Variants in ENTREP2 observed in about 807,000 individuals in gnomAD.
ENTREP2 encodes the protein protein ENTREP2.
the ENTREP2 span, among the ~76,000 whole-genome samples, chr15:29,336,015 G>A: frequency 0.019 from 2,916 of 151,740 alleles, 107 homozygotes; most frequent in African/African-American, 0.068. Context: ...GGTGTCGGGC[G>A]CCTGTAGTCC....
the ENTREP2 span, among the ~76,000 whole-genome samples, chr15:29,628,949 C>T: frequency 5.3e-5 from 8 of 152,196 alleles, no homozygotes; most frequent in East Asian, 7.8e-4. Flanking sequence ...AGCATTTCAC[C>T]GTGTTGGCCA....
chr15:29,348,481 AGAG>A, the ENTREP2 span, among the ~76,000 whole-genome samples: 1 of 152,160 alleles, frequency 6.6e-6, no homozygotes, highest in African/African-American at 2.4e-5. Context: ...GCTGAGCTGG[AGAG>A]GAGAATCCAG....
At chr15:29,490,286 G>C in the ENTREP2 span, among the ~76,000 whole-genome samples, 70 of 152,230 alleles carry the variant, frequency 4.6e-4, 1 homozygote, top group Non-Finnish European at 8.8e-5. Flanking sequence ...CAAAGCTGCA[G>C]AACTTCGCTG....
chr15:29,474,361 A>G, the ENTREP2 span, among the ~76,000 whole-genome samples: 1 of 152,128 alleles, frequency 6.6e-6, no homozygotes, highest in Non-Finnish European at 1.5e-5. Context: ...GGGCCCTGAG[A>G]TGACAGTTCA....
the ENTREP2 span, among the ~76,000 whole-genome samples, chr15:29,593,524 G>C: frequency 6.6e-6 from 1 of 152,162 alleles, no homozygotes; most frequent in Non-Finnish European, 1.5e-5. Context: ...TTCACCAGAA[G>C]CTGTTCTCCT....
At chr15:29,519,487 G>C in the ENTREP2 span, among the ~76,000 whole-genome samples, 1 of 151,572 alleles carries the variant, frequency 6.6e-6, no homozygotes, top group African/African-American at 2.4e-5. Context: ...CCTTTATGAT[G>C]ACCCACCTCC....
chr15:29,275,344 T>C, the ENTREP2 span, among the ~76,000 whole-genome samples: 2 of 152,204 alleles, frequency 1.3e-5, no homozygotes. Flanking sequence ...GAATAAAAAA[T>C]ATATTTTCAA....
At chr15:29,321,842 G>C in the ENTREP2 span, among the ~76,000 whole-genome samples, 22 of 152,064 alleles carry the variant, frequency 1.4e-4, no homozygotes, top group African/African-American at 5.3e-4. Context: ...GGCGGGGAGG[G>C]AGAGCATTAG....
chr15:29,413,280 T>G, the ENTREP2 span, among the ~76,000 whole-genome samples: 1 of 152,134 alleles, frequency 6.6e-6, no homozygotes. Context: ...CCTGGTTGTG[T>G]TCTTTAAGTT....
chr15:29,480,357 A>C, the ENTREP2 span, among the ~76,000 whole-genome samples: 8 of 149,048 alleles, frequency 5.4e-5, no homozygotes, highest in South Asian at 8.5e-4. Flanking sequence ...AAAAAAAAAA[A>C]AAAAAAAAAC....
chr15:29,183,988 C>A, the ENTREP2 span, among the ~76,000 whole-genome samples: 1 of 149,868 alleles, frequency 6.7e-6, no homozygotes, highest in African/African-American at 2.4e-5. Flanking sequence ...TAGCTAGTAA[C>A]TTTTTTTTTT....
the ENTREP2 span, among the ~76,000 whole-genome samples, chr15:29,635,332 C>T: frequency 5.3e-5 from 8 of 152,274 alleles, no homozygotes; most frequent in Admixed American, 1.3e-4. Flanking sequence ...TGCAAAAAGA[C>T]ATCACTGTGT....
chr15:29,345,813 A>G, the ENTREP2 span, among the ~76,000 whole-genome samples: 1 of 152,042 alleles, frequency 6.6e-6, no homozygotes, highest in East Asian at 1.9e-4. Context: ...GGCCCCTCCT[A>G]TCACCTCATT....
the ENTREP2 span, among the ~76,000 whole-genome samples, chr15:29,301,873 T>C: frequency 3.3e-5 from 5 of 152,192 alleles, no homozygotes; most frequent in Admixed American, 6.5e-5. Flanking sequence ...GTACCATCTA[T>C]GAAGCAGAAG....
At chr15:29,492,943 G>T in the ENTREP2 span, among the ~76,000 whole-genome samples, 3 of 151,334 alleles carry the variant, frequency 2.0e-5, no homozygotes, top group Admixed American at 2.0e-4. Flanking sequence ...AGCGGAGGTT[G>T]CAGTGAGCTG....
chr15:29,300,510 T>C, the ENTREP2 span, among the ~76,000 whole-genome samples: 1 of 152,308 alleles, frequency 6.6e-6, no homozygotes, highest in Non-Finnish European at 1.5e-5. Context: ...GGAATATATG[T>C]TGCTATTAGG....
chr15:29,472,760 C>T, the ENTREP2 span, among the ~76,000 whole-genome samples: 3 of 152,056 alleles, frequency 2.0e-5, no homozygotes, highest in Non-Finnish European at 4.4e-5. Context: ...CCACTGCACC[C>T]GGCCTATAAT....
At chr15:29,588,991 G>GA in the ENTREP2 span, among the ~76,000 whole-genome samples, 3,258 of 107,472 alleles carry the variant, frequency 0.03, 42 homozygotes, top group Non-Finnish European at 0.043. Context: ...CCTTGTCTCA[G>GA]AAAAAAAAAA....
At chr15:29,234,553 T>G in the ENTREP2 span, 4 of 1,400,778 alleles carry the variant, frequency 2.9e-6, no homozygotes, top group African/African-American at 4.3e-5. Context: ...TAGCAACAGA[T>G]GTGGCAGCAC....
Sources: gnomAD v4.1 joint callset for allele counts (sites outside exome capture counted in the v4.1 genomes callset) on GRCh38, gnomAD v4.1.1 for gene constraint, MANE v1.5 for transcripts, NCBI Gene and HGNC (gene_info 2026-07-23, HGNC 2026-07-21) for gene names.